The following KCNIP1 variants were observed in gnomAD, a reference collection of about 807,000 sequenced individuals.
KCNIP1 encodes the protein potassium voltage-gated channel interacting protein 1.
KCNIP1 carries 18 observed loss-of-function variants against 33.0 expected under a neutral mutation model. The observed-to-expected ratio is 0.55, with a 90% CI of 0.38 to 0.81. The LOEUF (loss-of-function observed/expected upper bound fraction) is 0.81. KCNIP1 is among the 30% of genes least tolerant of loss of function. The pLI, the probability that KCNIP1 is intolerant of heterozygous loss-of-function variation, is 0.00. For missense variants in KCNIP1, 238 were observed against 271.6 expected, an observed-to-expected ratio of 0.88 and a Z score of 0.87; for synonymous variants, 93 against 98.3, an observed-to-expected ratio of 0.95 and a Z score of 0.32.
At position 170,612,653 on chromosome 5, in the gene KCNIP1, GGAGTC is replaced by G. The variant is rs563843547; in HGVS notation, c.62-106104_62-106100del. ...ATGGAGTAAATTGGTTTAATGGAGT[GGAGTC>G]CCGTTGTCATGGTGGCAGGAGGAGA... On this transcript the variant is annotated intron_variant, in intron 1 of 7. Coordinates refer to ENST00000328939, the MANE Select transcript of KCNIP1 (RefSeq NM_014592.4). Among the ~76,000 whole-genome samples the G allele has an allele frequency of 2.4e-3, 361 of 152,306 alleles. 3 individuals are homozygous for G. Among genetic ancestry groups the G allele is most frequent in the African/African-American group, 8.2e-3 (339 of 41,558 alleles).
intron 1 of KCNIP1, among the ~76,000 whole-genome samples, chr5:170,570,716 G>A (rs1034868048): frequency 1.3e-5 from 2 of 152,256 alleles, no homozygotes; most frequent in Non-Finnish European, 2.9e-5. Flanking sequence ...AGCGACAGAC[G>A]GCCGGCACTG....
intron 1 of KCNIP1, among the ~76,000 whole-genome samples, chr5:170,658,586 G>A (rs920643327): frequency 1.3e-5 from 2 of 152,120 alleles, no homozygotes; most frequent in African/African-American, 4.8e-5. Flanking sequence ...AGAGGGAGAG[G>A]GGCAGATCAC....
chr5:170,440,093 G>A (rs569715038), intron 1 of KCNIP1, among the ~76,000 whole-genome samples: 5 of 152,264 alleles, frequency 3.3e-5, no homozygotes, highest in South Asian at 2.1e-4. Context: ...ATCTTCATGC[G>A]AAGAGAATAA....
At chr5:170,647,003 A>G (rs1581442155) in intron 1 of KCNIP1, among the ~76,000 whole-genome samples, 1 of 152,194 alleles carries the variant, frequency 6.6e-6, no homozygotes, top group Non-Finnish European at 1.5e-5. Flanking sequence ...TTGGTAAGGT[A>G]TATCCCAAAA....
At chr5:170,524,313 T>G (rs931729438) in intron 1 of KCNIP1, among the ~76,000 whole-genome samples, 10 of 152,148 alleles carry the variant, frequency 6.6e-5, no homozygotes, top group African/African-American at 2.4e-4. Context: ...CCACATGCAC[T>G]TCTCCCAGTT....
chr5:170,536,171 C>T (rs777065108), intron 1 of KCNIP1, among the ~76,000 whole-genome samples: 8 of 152,314 alleles, frequency 5.3e-5, no homozygotes, highest in Admixed American at 1.3e-4. Flanking sequence ...GTGCCTTGAC[C>T]GGGGTCACAC....
At chr5:170,503,652 C>T (rs1349700383), upstream of KCNIP1, among the ~76,000 whole-genome samples, 4 of 150,880 alleles carry the variant, frequency 2.7e-5, no homozygotes, top group Admixed American at 6.6e-5. Flanking sequence ...AATAAGATTT[C>T]CCTTGAAGTC....
At position 170,463,122 on chromosome 5, in the gene KCNIP1, T is replaced by TA. The variant is rs550499854; in HGVS notation, c.88+109166dup. On this transcript the variant is annotated intron_variant, in intron 1 of 7. Coordinates refer to the KCNIP1 transcript ENST00000377360. The stretch of plus-strand genomic sequence containing the variant: ...CCTGTTCCCCAATAACCTATGAAAA[T>TA]AAAAAAAATAAAAATAAAATTTTAA... Among the ~76,000 whole-genome samples, 64 of 151,342 alleles carry TA rather than the reference T, an allele frequency of 4.2e-4. 1 individual carries two copies. Among genetic ancestry groups the TA allele is most frequent in the Admixed American group, 3.0e-3 (45 of 15,208 alleles).
chr5:170,561,205 A>G, intron 1 of KCNIP1: 1 of 438,542 alleles, frequency 2.3e-6, no homozygotes, highest in Non-Finnish European at 4.6e-6. Flanking sequence ...GCGCACTGAC[A>G]TTTAAATGTC....
chr5:170,481,392 T>A (rs953859120), intron 1 of KCNIP1, among the ~76,000 whole-genome samples: 2 of 145,836 alleles, frequency 1.4e-5, no homozygotes, highest in Admixed American at 6.8e-5. Flanking sequence ...TTAGTACTAC[T>A]CCTGCTGCTG....
At chr5:170,687,284 C>T (rs1014240523) in intron 1 of KCNIP1, among the ~76,000 whole-genome samples, 2 of 151,744 alleles carry the variant, frequency 1.3e-5, no homozygotes, top group Non-Finnish European at 2.9e-5. Flanking sequence ...CGGGTTCAAG[C>T]GATTCTCCTG....
chr5:170,557,403 A>G (rs150051680), intron 1 of KCNIP1, among the ~76,000 whole-genome samples: 3 of 152,286 alleles, frequency 2.0e-5, no homozygotes, highest in African/African-American at 7.2e-5. Flanking sequence ...AAGTGGTTCC[A>G]GTACCTCATG....
chr5:170,663,295 A>G (rs1225237884), intron 1 of KCNIP1, among the ~76,000 whole-genome samples: 1 of 152,138 alleles, frequency 6.6e-6, no homozygotes, highest in Non-Finnish European at 1.5e-5. Context: ...ATCATCCCAC[A>G]CTTGCTTATT....
chr5:170,694,933 T>C (rs1176555492), intron 1 of KCNIP1, among the ~76,000 whole-genome samples: 1 of 152,216 alleles, frequency 6.6e-6, no homozygotes, highest in East Asian at 1.9e-4. Context: ...GTAAACTAGC[T>C]GCTTTCCAAG....
intron 1 of KCNIP1, among the ~76,000 whole-genome samples, chr5:170,695,971 A>G (rs1298002150): frequency 6.7e-6 from 1 of 148,518 alleles, no homozygotes; most frequent in Non-Finnish European, 1.5e-5. Context: ...GTGAGCCGAG[A>G]TTGCACCACT....
intron 1 of KCNIP1, among the ~76,000 whole-genome samples, chr5:170,496,724 C>T (rs1455536494): frequency 6.6e-6 from 1 of 152,188 alleles, no homozygotes; most frequent in African/African-American, 2.4e-5. Context: ...ATTCTAACCA[C>T]AGCATCTGTC....
At chr5:170,460,006 C>T (rs1260397008) in intron 1 of KCNIP1, among the ~76,000 whole-genome samples, 1 of 151,994 alleles carries the variant, frequency 6.6e-6, no homozygotes. Flanking sequence ...AAATGGGAGA[C>T]ATTGCAACTG....
intron 1 of KCNIP1, among the ~76,000 whole-genome samples, chr5:170,630,576 C>A (rs1760019819): frequency 6.6e-6 from 1 of 152,188 alleles, no homozygotes; most frequent in Non-Finnish European, 1.5e-5. Context: ...CTTGGAGCCA[C>A]TGTATGTTTC....
rs549709541 is a variant in KCNIP1, at chr5:170,593,684, C to G, written c.61+89051C>G. On this transcript the variant is annotated intron_variant, in intron 1 of 7. Coordinates refer to ENST00000328939, the MANE Select transcript of KCNIP1 (RefSeq NM_014592.4). ...GGTGTGTTTTCCACCCTCCCACAAT[C>G]CCTCATTAAGCGAGACATCATCCCC... is the stretch of plus-strand genomic sequence containing the variant. Among the ~76,000 whole-genome samples, 27 of 152,310 alleles carry G rather than the reference C, an allele frequency of 1.8e-4. 1 individual carries two copies. In the South Asian group the frequency reaches 5.4e-3, roughly 30 times the overall value.
Sources: allele counts gnomAD v4.1 joint callset (sites outside exome capture counted in the v4.1 genomes callset), GRCh38; gene constraint gnomAD v4.1.1; transcripts MANE v1.5; gene names NCBI Gene and HGNC (gene_info 2026-07-23, HGNC 2026-07-21).